CNOT6L: variants seen among roughly 807,000 people sequenced by gnomAD.
CNOT6L encodes CCR4-NOT transcription complex subunit 6-like.
In CNOT6L, 7 loss-of-function variants were observed where a neutral mutation model predicts 64.0. That is an observed-to-expected ratio of 0.11 (90% CI 0.06 to 0.21). CNOT6L has a LOEUF of 0.21. Among genes scored for constraint, CNOT6L ranks in the 10% least tolerant of loss-of-function variants. CNOT6L has a pLI of 1.00. For missense variants in CNOT6L, 245 were observed against 669.0 expected (o/e 0.37, Z 6.99); for synonymous variants, 193 against 243.4 (o/e 0.79, Z 1.93).
At chr4:77,814,196 G>T (rs1733305653) in intron 1 of CNOT6L, among the ~76,000 whole-genome samples, 1 of 152,148 alleles carries the variant, frequency 6.6e-6, no homozygotes, top group African/African-American at 2.4e-5. Flanking sequence ...AAAGGAAGTA[G>T]TAATTGCCTA....
chr4:77,760,782 C>T (rs1278441698), intron 4 of CNOT6L, among the ~76,000 whole-genome samples: 3 of 149,286 alleles, frequency 2.0e-5, no homozygotes, highest in East Asian at 2.0e-4. Context: ...CTGCAAGCTC[C>T]GCCTCCCAGG....
chr4:77,779,067 AAAAAAACAC>A lies in CNOT6L; in HGVS notation c.6-2684_6-2676del, dbSNP rs1560419983. On this transcript the variant is annotated intron_variant, in intron 1 of 11. Transcript: ENST00000504123. ...GTCTCAAAAAAAAAAAAAAAACAAA[AAAAAAACAC>A]AAAAAACACACAGGCATAGGATTAG... 7.8e-4 allele frequency among the ~76,000 whole-genome samples: 82 copies of A among 105,138 alleles called. 2 individuals carry two copies. The highest frequency in any genetic ancestry group is 9.3e-4 in the Non-Finnish European group (44 of 47,250). 69.0% of individuals were successfully genotyped at this position (105,138 alleles called of 152,430 possible). A position where few individuals can be genotyped will look rare whatever the true frequency, so the allele number is the denominator to read the frequency against.
chr4:77,781,799 G>T (rs1022289860), intron 1 of CNOT6L, among the ~76,000 whole-genome samples: 10 of 152,196 alleles, frequency 6.6e-5, no homozygotes, highest in African/African-American at 2.4e-4. Flanking sequence ...CACCCTAAGT[G>T]TAAGGTCATT....
intron 8 of CNOT6L, among the ~76,000 whole-genome samples, chr4:77,736,298 T>TG (rs1399538411): frequency 6.6e-6 from 1 of 152,076 alleles, no homozygotes; most frequent in Admixed American, 6.5e-5. Context: ...TAAATAAGAG[T>TG]GTTGATATGT....
chr4:77,751,163 G>C (rs1724818777), intron 5 of CNOT6L, among the ~76,000 whole-genome samples: 1 of 151,816 alleles, frequency 6.6e-6, no homozygotes. Flanking sequence ...TCCCTGAAAA[G>C]AATAGAAAAA....
chr4:77,741,543 C>T (rs915501395), intron 8 of CNOT6L, among the ~76,000 whole-genome samples: 1 of 152,170 alleles, frequency 6.6e-6, no homozygotes, highest in Non-Finnish European at 1.5e-5. Flanking sequence ...GCCTGCCTCT[C>T]TTATCTACCC....
chr4:77,804,057 G>A (rs1385262435), intron 1 of CNOT6L, among the ~76,000 whole-genome samples: 1 of 151,968 alleles, frequency 6.6e-6, no homozygotes, highest in Non-Finnish European at 1.5e-5. Flanking sequence ...GAAAACATAC[G>A]TCTTCACAAA....
At chr4:77,819,373 A>C, upstream of CNOT6L, 7 of 1,581,534 alleles carry the variant, frequency 4.4e-6, no homozygotes, top group Admixed American at 1.7e-5. Context: ...ACACACACAA[A>C]CACGCGCGCG....
At chr4:77,764,502 T>C (rs1726587162) in intron 4 of CNOT6L, among the ~76,000 whole-genome samples, 1 of 152,182 alleles carries the variant, frequency 6.6e-6, no homozygotes, top group Admixed American at 6.5e-5. Context: ...TTCCTTTACT[T>C]TCCTAATAAA....
intron 4 of CNOT6L, among the ~76,000 whole-genome samples, chr4:77,767,909 G>T (rs2110039305): frequency 6.7e-6 from 1 of 148,952 alleles, no homozygotes; most frequent in Middle Eastern, 3.5e-3. Flanking sequence ...AACCCAGGAG[G>T]CAGAGGTTGC....
intron 8 of CNOT6L, among the ~76,000 whole-genome samples, chr4:77,733,899 A>G (rs894588329): frequency 6.6e-6 from 1 of 152,098 alleles, no homozygotes; most frequent in African/African-American, 2.4e-5. Context: ...TTACACTTAC[A>G]TGATGTGTGA....
intron 11 of CNOT6L, among the ~76,000 whole-genome samples, chr4:77,722,616 G>A (rs1219049296): frequency 1.3e-5 from 2 of 152,142 alleles, no homozygotes; most frequent in Non-Finnish European, 2.9e-5. Flanking sequence ...CTTTGCAAAC[G>A]TAGGCCCCAA....
intron 5 of CNOT6L, among the ~76,000 whole-genome samples, chr4:77,754,890 A>AAAAAAAAAAAC (rs1725316205): frequency 3.2e-4 from 33 of 103,362 alleles, no homozygotes; most frequent in African/African-American, 1.2e-3. Flanking sequence ...ATTAGAAGTA[A>AAAAAAAAAAAC]AAAAAAAAAA....
chr4:77,726,500 C>A (rs756900573), intron 10 of CNOT6L, 131 bp from the exon 11 acceptor site: 57 of 587,906 alleles, frequency 9.7e-5, no homozygotes, highest in Non-Finnish European at 1.5e-4. Context: ...TATAAAACTG[C>A]CTTTTGTTGT....
intron 5 of CNOT6L, among the ~76,000 whole-genome samples, chr4:77,752,293 A>T (rs1724942333): frequency 6.6e-6 from 1 of 151,492 alleles, no homozygotes; most frequent in Non-Finnish European, 1.5e-5. Context: ...AAATAACTAC[A>T]AGAAGAAAGA....
At chr4:77,726,130 AAAT>A (rs765647806) in intron 11 of CNOT6L, 34 bp downstream of exon 11, 4 of 1,562,776 alleles carry the variant, frequency 2.6e-6, no homozygotes, top group Non-Finnish European at 3.5e-6. Context: ...CTTGTATCTG[AAAT>A]AATTTCTACA....
intron 6 of CNOT6L, among the ~76,000 whole-genome samples, chr4:77,747,095 CACAA>C (rs1194884181): frequency 6.6e-6 from 1 of 151,386 alleles, no homozygotes; most frequent in African/African-American, 2.4e-5. Context: ...GCCCAAAACT[CACAA>C]ACAAAAGGCC....
At chr4:77,793,109 A>T (rs1730357042) in intron 1 of CNOT6L, among the ~76,000 whole-genome samples, 1 of 152,108 alleles carries the variant, frequency 6.6e-6, no homozygotes, top group Non-Finnish European at 1.5e-5. Context: ...TCCAGAGTAT[A>T]GTATCCATTG....
At chr4:77,776,213 C>T in intron 2 of CNOT6L, 58 bp downstream of exon 2, 1 of 1,554,330 alleles carries the variant, frequency 6.4e-7, no homozygotes, top group African/African-American at 1.4e-5. Flanking sequence ...TATAGCAATA[C>T]TCAACTTTTG....
Sources: gnomAD v4.1 joint callset for allele counts (sites outside exome capture counted in the v4.1 genomes callset) on GRCh38, gnomAD v4.1.1 for gene constraint, MANE v1.5 for transcripts, NCBI Gene and HGNC (gene_info 2026-07-23, HGNC 2026-07-21) for gene names.